Variants in NYAP2 observed in about 807,000 individuals in gnomAD.
The protein encoded by NYAP2 is neuronal tyrosine-phosphorylated phosphoinositide-3-kinase adaptor 2.
NYAP2 carries 23 observed loss-of-function variants against 50.4 expected under a neutral mutation model. The ratio of observed to expected loss-of-function variants is 0.46; its 90% CI spans 0.33 to 0.65. The LOEUF is 0.65. Among genes scored for constraint, NYAP2 ranks in the 30% least tolerant of loss-of-function variants. The pLI, the probability that NYAP2 is intolerant of heterozygous loss-of-function variation, is 0.02. For missense variants in NYAP2, 885 were observed against 861.0 expected, an observed-to-expected ratio of 1.03 and a Z score of -0.35; for synonymous variants, 394 against 365.2, an observed-to-expected ratio of 1.08 and a Z score of -0.90.
chr2:225,432,980 G>T (rs908484659), intron 3 of NYAP2, among the ~76,000 whole-genome samples: 3 of 152,078 alleles, frequency 2.0e-5, no homozygotes, highest in African/African-American at 7.2e-5. Flanking sequence ...ATATGCCCTG[G>T]CTGGGTCACA....
chr2:225,520,720 T>G lies in NYAP2; in HGVS notation c.523+7048T>G, dbSNP rs531496492. On this transcript the variant is annotated intron_variant, in intron 4 of 6. Transcript: ENST00000636099. Reference sequence around the variant, plus strand: ...ATCAGGTAGCGTGATGCCTCCAGCTTTGTTCTTTTGGCTTAGGATTGACTT... The same window carrying G: ...ATCAGGTAGCGTGATGCCTCCAGCTGTGTTCTTTTGGCTTAGGATTGACTT... 8.5e-5 allele frequency among the ~76,000 whole-genome samples: 13 copies of G among 152,330 alleles called. No homozygotes were observed. In the East Asian group the frequency reaches 2.5e-3, roughly 29 times the overall value.
intron 3 of NYAP2, among the ~76,000 whole-genome samples, chr2:225,496,389 A>C (rs184751175): frequency 6.6e-6 from 1 of 152,318 alleles, no homozygotes; most frequent in East Asian, 1.9e-4. Flanking sequence ...ACTGTGTCTC[A>C]TGCATTCCCA....
At chr2:225,665,712 G>C in the NYAP2 span, among the ~76,000 whole-genome samples, 3 of 147,392 alleles carry the variant, frequency 2.0e-5, no homozygotes, top group Non-Finnish European at 3.0e-5. Context: ...AGGAGGCTGA[G>C]GTAGGAGAAT....
the NYAP2 span, among the ~76,000 whole-genome samples, chr2:225,671,557 TGAG>T: frequency 6.6e-6 from 1 of 152,140 alleles, no homozygotes; most frequent in Non-Finnish European, 1.5e-5. Context: ...TCCAAAAGGT[TGAG>T]ATCAACTTCT....
intron 4 of NYAP2, among the ~76,000 whole-genome samples, chr2:225,521,847 T>G (rs1418798998): frequency 1.2e-4 from 18 of 152,260 alleles, no homozygotes; most frequent in Admixed American, 9.2e-4. Context: ...TCGGAAGGAA[T>G]GGTACCAGTT....
chr2:225,624,311 G>A (rs1047089688), intron 5 of NYAP2, among the ~76,000 whole-genome samples: 42 of 152,250 alleles, frequency 2.8e-4, no homozygotes, highest in African/African-American at 1.0e-3. Flanking sequence ...CCTTGATTGG[G>A]GACTATTAAC....
At chr2:225,525,602 G>A (rs1261562347) in intron 4 of NYAP2, among the ~76,000 whole-genome samples, 3 of 152,090 alleles carry the variant, frequency 2.0e-5, no homozygotes, top group Non-Finnish European at 4.4e-5. Flanking sequence ...TAGAATAATA[G>A]ACAACATTGG....
intron 6 of NYAP2, among the ~76,000 whole-genome samples, chr2:225,632,931 T>C (rs1247762844): frequency 6.6e-6 from 1 of 152,228 alleles, no homozygotes; most frequent in Non-Finnish European, 1.5e-5. Context: ...ATTAAATGTA[T>C]TATTTTCATT....
At chr2:225,414,012 G>T (rs1695086995) in intron 3 of NYAP2, among the ~76,000 whole-genome samples, 1 of 152,156 alleles carries the variant, frequency 6.6e-6, no homozygotes, top group African/African-American at 2.4e-5. Context: ...TCACATATGT[G>T]CTGAAATGCC....
At chr2:225,500,382 G>GGTA (rs1690584542) in intron 3 of NYAP2, among the ~76,000 whole-genome samples, 1 of 152,146 alleles carries the variant, frequency 6.6e-6, no homozygotes, top group Admixed American at 6.5e-5. Flanking sequence ...TTGCTTCCTT[G>GGTA]GTAGTTCATT....
intron 3 of NYAP2, among the ~76,000 whole-genome samples, chr2:225,437,612 T>C (rs1689402450): frequency 6.6e-6 from 1 of 152,198 alleles, no homozygotes; most frequent in Non-Finnish European, 1.5e-5. Flanking sequence ...AGGGCACCTC[T>C]CCACCACCAT....
chr2:225,701,514 G>C, the NYAP2 span: 1 of 151,694 alleles, frequency 6.6e-6, no homozygotes, highest in East Asian at 1.9e-4. Context: ...TTGATGAAAA[G>C]AAAATATAAA....
chr2:225,494,448 C>A (rs1309063086), intron 3 of NYAP2, among the ~76,000 whole-genome samples: 1 of 152,194 alleles, frequency 6.6e-6, no homozygotes, highest in Non-Finnish European at 1.5e-5. Flanking sequence ...GGTCCAGTCA[C>A]TAATGCTTTA....
intron 2 of NYAP2, among the ~76,000 whole-genome samples, chr2:225,405,688 AC>A (rs1694929987): frequency 6.6e-6 from 1 of 151,936 alleles, no homozygotes; most frequent in Admixed American, 6.6e-5. Context: ...TGTCTGAGAA[AC>A]ACTTTGGGCT....
chr2:225,487,505 G>A (rs1046142850), intron 3 of NYAP2, among the ~76,000 whole-genome samples: 12 of 151,824 alleles, frequency 7.9e-5, no homozygotes, highest in Non-Finnish European at 1.2e-4. Flanking sequence ...GATTATAGGC[G>A]CCCACCGCCA....
chr2:225,414,970 AG>A (rs1695100688), intron 3 of NYAP2, among the ~76,000 whole-genome samples: 7 of 152,174 alleles, frequency 4.6e-5, no homozygotes, highest in Non-Finnish European at 1.0e-4. Flanking sequence ...AGGTAAGGGT[AG>A]GATTTTTTTT....
At chr2:225,422,725 A>G (rs73099734) in intron 3 of NYAP2, among the ~76,000 whole-genome samples, 1,721 of 152,308 alleles carry the variant, frequency 0.011, 37 homozygotes, top group African/African-American at 0.04. Flanking sequence ...ACTGTAGTGT[A>G]GAGATATCCT....
chr2:225,423,415 T>G (rs1275547844), intron 3 of NYAP2, among the ~76,000 whole-genome samples: 2 of 152,246 alleles, frequency 1.3e-5, no homozygotes, highest in African/African-American at 2.4e-5. Flanking sequence ...ATTGGCCATC[T>G]TGGTTTGAGA....
intron 6 of NYAP2, among the ~76,000 whole-genome samples, chr2:225,639,936 G>A (rs1693498200): frequency 6.6e-6 from 1 of 152,116 alleles, no homozygotes; most frequent in African/African-American, 2.4e-5. Context: ...ACTCTGTGAC[G>A]CCATGACCCA....
Sources: allele counts gnomAD v4.1 joint callset (sites outside exome capture counted in the v4.1 genomes callset), GRCh38; gene constraint gnomAD v4.1.1; transcripts MANE v1.5; gene names NCBI Gene and HGNC (gene_info 2026-07-23, HGNC 2026-07-21).